Variants in UBE2D3 observed in about 807,000 individuals in gnomAD.
UBE2D3 encodes ubiquitin conjugating enzyme E2 D3.
In UBE2D3, 2 loss-of-function variants were observed where a neutral mutation model predicts 22.8. That is an observed-to-expected ratio of 0.09 (90% CI 0.04 to 0.28). UBE2D3 has a LOEUF of 0.28. Ranked by LOEUF, UBE2D3 falls within the 10% of genes least tolerant of loss-of-function variation. UBE2D3 has a pLI of 1.00. For missense variants in UBE2D3, 27 were observed against 182.5 expected (o/e 0.15, Z 4.91); for synonymous variants, 56 against 60.4 (o/e 0.93, Z 0.34).
At chr4:102,825,165 G>C in intron 2 of UBE2D3, 2 of 867,544 alleles carry the variant, frequency 2.3e-6, no homozygotes, top group South Asian at 1.1e-4. Flanking sequence ...TTTAGTAAAG[G>C]CAAATTCTTG....
chr4:102,798,909 A>T, intron 7 of UBE2D3: 1 of 1,610,918 alleles, frequency 6.2e-7, no homozygotes, highest in East Asian at 2.2e-5. Flanking sequence ...AGCGCACCAT[A>T]GAGTGCAGAT....
chr4:102,826,338 A>T, intron 2 of UBE2D3, 147 bp downstream of exon 2: 1 of 1,029,688 alleles, frequency 9.7e-7, no homozygotes. Context: ...TTCTTCAAGA[A>T]GTATATCTGC....
chr4:102,813,397 A>G (rs1728339453), intron 2 of UBE2D3, among the ~76,000 whole-genome samples: 1 of 152,220 alleles, frequency 6.6e-6, no homozygotes, highest in Non-Finnish European at 1.5e-5. Flanking sequence ...AAATTAAACA[A>G]TGAATTTTGT....
At chr4:102,868,438 A>C (rs1733278589) in intron 1 of UBE2D3, among the ~76,000 whole-genome samples, 2 of 152,312 alleles carry the variant, frequency 1.3e-5, no homozygotes, top group African/African-American at 4.8e-5. Context: ...ACTACTACGA[A>C]TCTTCTCTGA....
rs544299649 is a variant in UBE2D3, at chr4:102,861,570, C to T, written c.-129+7145G>A. On this transcript the variant is annotated intron_variant, in intron 1 of 7. Coordinates refer to the UBE2D3 transcript ENST00000338145. The stretch of plus-strand genomic sequence containing the variant: ...GGTTCCTTCTTCATGCCTAGTTCAT[C>T]GGTGCTTGGAGTAGCTAGTTCCATA... Among the ~76,000 whole-genome samples, 36 of 152,064 alleles carry T rather than the reference C, an allele frequency of 2.4e-4. 1 individual carries two copies. The highest frequency in any genetic ancestry group is 1.6e-3 in the Admixed American group (24 of 15,274).
intron 1 of UBE2D3, among the ~76,000 whole-genome samples, chr4:102,854,280 G>C (rs930865824): frequency 1.3e-5 from 2 of 151,790 alleles, no homozygotes; most frequent in African/African-American, 4.8e-5. Flanking sequence ...ATTTTTTAAG[G>C]ATAATGTATA....
chr4:102,813,359 GAAC>G (rs943353367), intron 2 of UBE2D3, among the ~76,000 whole-genome samples: 4 of 152,102 alleles, frequency 2.6e-5, no homozygotes, highest in African/African-American at 9.7e-5. Context: ...GCAATTTGTT[GAAC>G]AATAAATGTA....
At chr4:102,810,765 T>C (rs1246598826) in intron 2 of UBE2D3, 1 of 152,152 alleles carries the variant, frequency 6.6e-6, no homozygotes, top group Non-Finnish European at 1.5e-5. Flanking sequence ...ATATGAATTA[T>C]CTACTATGAA....
At chr4:102,826,721 C>T in intron 1 of UBE2D3, 85 bp from the exon 2 acceptor site, 1 of 1,429,626 alleles carries the variant, frequency 7.0e-7, no homozygotes, top group East Asian at 2.6e-5. Flanking sequence ...CAGCCGCGAT[C>T]CGGGGTGGGT....
At position 102,809,498 on chromosome 4, in the gene UBE2D3, C is replaced by T. The variant is rs149554696; in HGVS notation, c.120+174G>A. ...AACACAGGGATAGACACAAAGTACA[C>T]GTAACAAATGACTAACTCATTATGT... On this transcript the variant is annotated intron_variant, in intron 4 of 7. Transcript: ENST00000453744. 204 of 691,790 alleles carry T rather than the reference C, an allele frequency of 2.9e-4. 1 individual carries two copies. The African/African-American group carries it at 3.3e-3, about 11-fold the overall frequency. The allele number at this position is 691,790 out of a possible 1,614,324, so 42.9% of individuals were successfully genotyped here.
At chr4:102,822,001 A>G (rs1008478225) in intron 2 of UBE2D3, among the ~76,000 whole-genome samples, 1 of 152,186 alleles carries the variant, frequency 6.6e-6, no homozygotes, top group Non-Finnish European at 1.5e-5. Flanking sequence ...TTTCTTTTTT[A>G]ATAGATAGAT....
intron 2 of UBE2D3, chr4:102,812,381 C>T (rs1728180876): frequency 6.6e-6 from 1 of 152,220 alleles, no homozygotes; most frequent in African/African-American, 2.4e-5. Flanking sequence ...CCCACTATGG[C>T]ACTGACTTGG....
At chr4:102,823,887 T>G (rs1730022927) in intron 2 of UBE2D3, among the ~76,000 whole-genome samples, 1 of 152,190 alleles carries the variant, frequency 6.6e-6, no homozygotes, top group Non-Finnish European at 1.5e-5. Context: ...TACAGATATA[T>G]CATAATACTT....
chr4:102,825,063 AAG>A (rs1175871808), intron 2 of UBE2D3, among the ~76,000 whole-genome samples: 1 of 152,270 alleles, frequency 6.6e-6, no homozygotes, highest in African/African-American at 2.4e-5. Flanking sequence ...ACTAAGAGTG[AAG>A]ATTTAAACCT....
At chr4:102,800,591 G>GT (rs1726001027) in intron 6 of UBE2D3, among the ~76,000 whole-genome samples, 1 of 151,970 alleles carries the variant, frequency 6.6e-6, no homozygotes, top group African/African-American at 2.4e-5. Context: ...ATCCAAGAAG[G>GT]TGAAAAACAG....
At chr4:102,828,894 C>CA (rs1484369558), upstream of UBE2D3, among the ~76,000 whole-genome samples, 1 of 152,166 alleles carries the variant, frequency 6.6e-6, no homozygotes, top group Admixed American at 6.5e-5. Context: ...AAGCACTGAC[C>CA]AGCTTAAGGT....
Position 102,827,411 on chromosome 4 carries a change from C to T in UBE2D3, c.-129+16G>A, listed in dbSNP as rs1405869516. ...GGCCTCCCTTCCCTGCCCTAGCCGT[C>T]CACACCCACGCGTACAGAGGGGCCG... On this transcript the variant is annotated intron_variant, in intron 1 of 7. Transcript: ENST00000453744. 2 of 986,194 alleles carry T rather than the reference C, an allele frequency of 2.0e-6. No homozygotes were observed. Among genetic ancestry groups the T allele is most frequent in the Non-Finnish European group, 2.4e-6 (2 of 830,162 alleles). 61.1% of individuals were successfully genotyped at this position (986,194 alleles called of 1,614,324 possible).
chr4:102,814,925 G>C (rs1032683700), intron 2 of UBE2D3, among the ~76,000 whole-genome samples: 2 of 152,050 alleles, frequency 1.3e-5, no homozygotes, highest in African/African-American at 4.8e-5. Flanking sequence ...TGAAATAAGA[G>C]TTTAAAAAGC....
At chr4:102,856,968 T>G (rs2110374636) in intron 1 of UBE2D3, among the ~76,000 whole-genome samples, 1 of 152,316 alleles carries the variant, frequency 6.6e-6, no homozygotes, top group South Asian at 2.1e-4. Context: ...ATGCTACTAT[T>G]ATGGTGGACA....
Sources: gnomAD v4.1 joint callset for allele counts (sites outside exome capture counted in the v4.1 genomes callset) on GRCh38, gnomAD v4.1.1 for gene constraint, MANE v1.5 for transcripts, NCBI Gene and HGNC (gene_info 2026-07-23, HGNC 2026-07-21) for gene names.